Variants in SUPT3H observed in about 807,000 individuals in gnomAD.
SUPT3H encodes transcription initiation protein SPT3 homolog.
SUPT3H carries 44 observed loss-of-function variants against 44.3 expected under a neutral mutation model. The ratio of observed to expected loss-of-function variants is 0.99; its 90% CI spans 0.78 to 1.28. The LOEUF (loss-of-function observed/expected upper bound fraction) is 1.28, where lower values mean the gene tolerates loss of function less well. Among genes scored for constraint, SUPT3H ranks in the 50% most tolerant of loss-of-function variants. The probability of loss-of-function intolerance (pLI) is 0.00; values close to 1 mark genes in which losing one functional copy is unlikely to be tolerated. For missense variants in SUPT3H, 380 were observed against 387.1 expected (o/e 0.98, Z 0.15); for synonymous variants, 124 against 125.6 (o/e 0.99, Z 0.09).
intron 2 of SUPT3H, among the ~76,000 whole-genome samples, chr6:45,175,664 T>C (rs1811641428): frequency 1.3e-5 from 2 of 152,098 alleles, no homozygotes; most frequent in South Asian, 2.1e-4. Flanking sequence ...GCATCCTACA[T>C]GAATACGATA....
intron 3 of SUPT3H, among the ~76,000 whole-genome samples, chr6:45,063,640 G>C (rs1046614136): frequency 2.6e-5 from 1 of 38,932 alleles, no homozygotes; most frequent in Non-Finnish European, 4.8e-5. Flanking sequence ...GAAAACCAAG[G>C]CTCGAGAACT....
In SUPT3H at chr6:44,980,713, G is replaced by T. The variant is rs545294351; in HGVS notation, c.505-18885C>A. Among the ~76,000 whole-genome samples, 5 of 152,216 alleles carry T rather than the reference G, an allele frequency of 3.3e-5. No homozygotes were observed. The South Asian group carries it at 8.3e-4, about 25-fold the overall frequency. On this transcript the variant is annotated intron_variant, in intron 6 of 10. Coordinates refer to ENST00000371459, the MANE Select transcript of SUPT3H (RefSeq NM_003599.4). ...ACCCATCATAATCATTTCCAGAACT[G>T]ATTTTTAGCAGTCATAGGAACCTCT...
chr6:45,288,547 GTATATATATATA>G lies in SUPT3H; in HGVS notation c.101+76642_101+76653del, dbSNP rs58524677. ...AGAGATACAATGTGTGTGTGTGTGTGTATATATATATATATATGTATATATATATATATATGT... is the reference window on the plus strand; with the variant it reads ...AGAGATACAATGTGTGTGTGTGTGTGTATATGTATATATATATATATATGT... On this transcript the variant is annotated intron_variant, in intron 2 of 10. Coordinates refer to ENST00000371459, the MANE Select transcript of SUPT3H (RefSeq NM_003599.4). Among the ~76,000 whole-genome samples, 618 of 126,650 alleles carry G rather than the reference GTATATATATATA, an allele frequency of 4.9e-3. 10 individuals are homozygous for G. The highest frequency in any genetic ancestry group is 0.013 in the African/African-American group (417 of 33,212). 83.1% of individuals were successfully genotyped at this position (126,650 alleles called of 152,430 possible).
intron 3 of SUPT3H, among the ~76,000 whole-genome samples, chr6:45,091,807 T>A (rs2153563359): frequency 6.6e-6 from 1 of 152,114 alleles, no homozygotes; most frequent in African/African-American, 2.4e-5. Context: ...GAGAAAAATG[T>A]TTTGGTCATT....
intron 2 of SUPT3H, among the ~76,000 whole-genome samples, chr6:45,331,129 G>GCT (rs747358697): frequency 1.5e-5 from 2 of 136,060 alleles, no homozygotes; most frequent in Admixed American, 6.8e-5. Context: ...GTGTGTGTGC[G>GCT]CGCGCGCGCG....
chr6:44,868,150 C>T (rs576100135), intron 10 of SUPT3H, among the ~76,000 whole-genome samples: 80 of 152,222 alleles, frequency 5.3e-4, no homozygotes, highest in Non-Finnish European at 9.3e-4. Context: ...TTGTAGGTTT[C>T]GGATTCATTT....
chr6:45,270,450 C>T (rs1486092334), intron 2 of SUPT3H, among the ~76,000 whole-genome samples: 1 of 152,120 alleles, frequency 6.6e-6, no homozygotes, highest in East Asian at 1.9e-4. Flanking sequence ...GTACATAAGT[C>T]TCACGAGATC....
chr6:45,158,298 A>ATATATATATATATATATAT, intron 2 of SUPT3H, among the ~76,000 whole-genome samples: 4 of 99,684 alleles, frequency 4.0e-5, no homozygotes, highest in African/African-American at 2.0e-4. Context: ...ATATATATAT[A>ATATATATATATATATATAT]TTTTTTTTTT....
rs942864008 is a variant in SUPT3H at position 45,224,787 on chromosome 6, AAAAG to A, written c.102-118785_102-118782del. 5.3e-5 allele frequency among the ~76,000 whole-genome samples: 8 copies of A among 151,930 alleles called. No homozygotes were observed. The South Asian group carries it at 1.2e-3, about 24-fold the overall frequency. Reference sequence around the variant, plus strand: ...AGTGAGACTTTGTCTCCAAAAAAAAAAAAGAAAGAAAGATAGAAAGAAAAAAACT... The same window carrying A: ...AGTGAGACTTTGTCTCCAAAAAAAAAAAAGAAAGATAGAAAGAAAAAAACT... On this transcript the variant is annotated intron_variant, in intron 2 of 10. Coordinates refer to ENST00000371459, the MANE Select transcript of SUPT3H (RefSeq NM_003599.4).
chr6:45,287,695 G>T (rs1488690880), intron 2 of SUPT3H, among the ~76,000 whole-genome samples: 1 of 152,132 alleles, frequency 6.6e-6, no homozygotes, highest in Non-Finnish European at 1.5e-5. Context: ...TAGGTGTAAT[G>T]ATTATGCAAT....
intron 9 of SUPT3H, among the ~76,000 whole-genome samples, chr6:44,944,875 T>C (rs1352498931): frequency 6.7e-6 from 1 of 149,848 alleles, no homozygotes; most frequent in Non-Finnish European, 1.5e-5. Context: ...ACTTTAAATA[T>C]ATTATATTTA....
chr6:45,082,976 T>A (rs1228914433), intron 3 of SUPT3H, among the ~76,000 whole-genome samples: 1 of 151,992 alleles, frequency 6.6e-6, no homozygotes, highest in Non-Finnish European at 1.5e-5. Flanking sequence ...TCCATACATT[T>A]ATAACATTTT....
At chr6:44,993,557 G>A (rs1780879943) in intron 6 of SUPT3H, among the ~76,000 whole-genome samples, 1 of 152,040 alleles carries the variant, frequency 6.6e-6, no homozygotes, top group South Asian at 2.1e-4. Context: ...AATGTAATTT[G>A]ATAGTATAAA....
chr6:45,015,517 T>C (rs1784114976), intron 4 of SUPT3H, among the ~76,000 whole-genome samples: 1 of 151,976 alleles, frequency 6.6e-6, no homozygotes, highest in Non-Finnish European at 1.5e-5. Context: ...ACTTTATTTT[T>C]AAAAAAGCTG....
chr6:44,813,587 A>AG (rs966362720), intron 11 of SUPT3H, among the ~76,000 whole-genome samples: 6 of 151,702 alleles, frequency 4.0e-5, no homozygotes, highest in Non-Finnish European at 8.8e-5. Context: ...AAAAAAAAAA[A>AG]AACAGACAAC....
intron 2 of SUPT3H, among the ~76,000 whole-genome samples, chr6:45,176,566 G>A (rs1294037796): frequency 1.3e-5 from 2 of 152,114 alleles, no homozygotes; most frequent in African/African-American, 4.8e-5. Flanking sequence ...ACTGGGTGGA[G>A]CCCACCACAG....
At chr6:45,330,988 A>G (rs769709334) in intron 2 of SUPT3H, among the ~76,000 whole-genome samples, 2 of 152,016 alleles carry the variant, frequency 1.3e-5, no homozygotes, top group Non-Finnish European at 2.9e-5. Context: ...CCACCTAATG[A>G]AATGTCTTAA....
intron 3 of SUPT3H, among the ~76,000 whole-genome samples, chr6:45,090,178 C>T (rs9472437): frequency 1.6e-3 from 250 of 152,116 alleles, no homozygotes; most frequent in African/African-American, 3.8e-3. Context: ...GAAATCCAAA[C>T]GGGGTTAGCT....
intron 3 of SUPT3H, among the ~76,000 whole-genome samples, chr6:45,041,745 G>T (rs1788563929): frequency 6.6e-6 from 1 of 152,030 alleles, no homozygotes; most frequent in Non-Finnish European, 1.5e-5. Flanking sequence ...AGTAGTCCTA[G>T]GTACAGGTAA....
Sources: gnomAD v4.1 joint callset for allele counts (sites outside exome capture counted in the v4.1 genomes callset) on GRCh38, gnomAD v4.1.1 for gene constraint, MANE v1.5 for transcripts, NCBI Gene and HGNC (gene_info 2026-07-23, HGNC 2026-07-21) for gene names.